NLGN3: variants seen among roughly 807,000 people sequenced by gnomAD.
NLGN3 encodes the protein neuroligin 3.
NLGN3 carries 11 observed loss-of-function variants against 42.9 expected under a neutral mutation model. The ratio of observed to expected loss-of-function variants is 0.26; its 90% CI spans 0.16 to 0.42. The LOEUF (loss-of-function observed/expected upper bound fraction) is 0.42. NLGN3 is among the 10% of genes least tolerant of loss of function. NLGN3 has a pLI of 1.00. For missense variants in NLGN3, 374 were observed against 733.8 expected, an observed-to-expected ratio of 0.51 and a Z score of 5.67; for synonymous variants, 279 against 312.7, an observed-to-expected ratio of 0.89 and a Z score of 1.14.
intron 2 of NLGN3, 70 bp from the exon 3 acceptor site, chrX:71,148,775 TG>T: frequency 4.3e-6 from 4 of 928,236 alleles, no homozygotes; most frequent in Admixed American, 7.7e-5. Flanking sequence ...TCTTGGGGCC[TG>T]GGGGGTGGGG....
intron 5 of NLGN3, among the ~76,000 whole-genome samples, chrX:71,163,016 G>A (rs2092435364): frequency 9.0e-6 from 1 of 111,698 alleles, no homozygotes; most frequent in Admixed American, 9.5e-5. Context: ...AAGGATTCAG[G>A]GAAGAGAGAT....
At chrX:71,163,583 T>A (rs761412706) in intron 5 of NLGN3, among the ~76,000 whole-genome samples, 16 of 112,209 alleles carry the variant, frequency 1.4e-4, no homozygotes, top group African/African-American at 3.9e-4. Context: ...GAAGTAACTA[T>A]AGAGCTGCAA....
intron 5 of NLGN3, among the ~76,000 whole-genome samples, chrX:71,157,287 CTTAT>C (rs397688201): frequency 0.029 from 2,860 of 99,862 alleles, 96 homozygotes; most frequent in African/African-American, 0.091. Flanking sequence ...TTTTAATTTG[CTTAT>C]TTATTTATTT....
intron 6 of NLGN3, among the ~76,000 whole-genome samples, 160 bp downstream of exon 6, chrX:71,164,488 G>C (rs1408649986): frequency 3.5e-5 from 4 of 113,058 alleles, no homozygotes; most frequent in African/African-American, 1.3e-4. Flanking sequence ...TCTGGGAGAA[G>C]TACTTCTCCC....
rs969065031 is a variant in NLGN3 at position 71,170,298 on chromosome X, C to T, written c.*201C>T. 41 of 1,105,883 alleles carry T rather than the reference C, an allele frequency of 3.7e-5. No homozygotes were observed. The highest frequency in any genetic ancestry group is 1.1e-4 in the Admixed American group (4 of 35,122). 91.1% of individuals were successfully genotyped at this position (1,105,883 alleles called of 1,213,427 possible). A position where few individuals can be genotyped will look rare whatever the true frequency, so the allele number is the denominator to read the frequency against. On this transcript the variant is annotated 3_prime_UTR_variant, in exon 8 of 8. Transcript: ENST00000358741. ...ACCCGCATGTACAAAAACACAAATA[C>T]GGAAGTAAACCTGAACAAACCCTTT...
At chrX:71,149,107 A>G (rs1167828165) in intron 3 of NLGN3, among the ~76,000 whole-genome samples, 1 of 110,922 alleles carries the variant, frequency 9.0e-6, no homozygotes, top group Non-Finnish European at 1.9e-5. Flanking sequence ...GAGCAGAAGC[A>G]GCAACCCTAT....
At chrX:71,159,201 G>A (rs1404870405) in intron 5 of NLGN3, among the ~76,000 whole-genome samples, 2 of 110,382 alleles carry the variant, frequency 1.8e-5, no homozygotes, top group South Asian at 3.9e-4. Flanking sequence ...TGCGCCCGTA[G>A]TCCCAGCTAC....
chrX:71,158,064 T>C lies in NLGN3; in HGVS notation c.727+2701T>C, dbSNP rs1011005786. ...ACTAGGGCTGCACACTTTCTTTTTT[T>C]AATTAATTAATTAATTAATTAATTA... On this transcript the variant is annotated intron_variant, in intron 5 of 7. Transcript: ENST00000358741. Among the ~76,000 whole-genome samples, 4 of 102,859 alleles carry C rather than the reference T, an allele frequency of 3.9e-5. 1 individual carries two copies. The highest frequency in any genetic ancestry group is 8.2e-5 in the Non-Finnish European group (4 of 48,720). 89.3% of individuals were successfully genotyped at this position (102,859 alleles called of 115,157 possible).
At chrX:71,171,690 C>T, downstream of NLGN3, 1 of 745,179 alleles carries the variant, frequency 1.3e-6, no homozygotes, top group Non-Finnish European at 1.6e-6. Context: ...CCTTGAGTGA[C>T]TGACAGAGCA....
chrX:71,170,815 C>G lies in NLGN3; in HGVS notation c.*718C>G. The G allele has an allele frequency of 2.6e-6, 2 of 756,479 alleles. No individual in the cohort carries two copies. The highest frequency in any genetic ancestry group is 3.1e-6 in the Non-Finnish European group (2 of 640,567). The allele number at this position is 756,479 out of a possible 1,213,427, so 62.3% of individuals were successfully genotyped here. The stretch of plus-strand genomic sequence containing the variant: ...GTAGGGGAGAGATCTCCAACTCTCT[C>G]TGTGTCCGTGTGGAGGGCTGCAGAG... On this transcript the variant is annotated 3_prime_UTR_variant, in exon 8 of 8. Coordinates refer to ENST00000358741, the MANE Select transcript of NLGN3 (RefSeq NM_181303.2).
intron 5 of NLGN3, among the ~76,000 whole-genome samples, chrX:71,162,407 G>A (rs1192028521): frequency 8.9e-6 from 1 of 111,874 alleles, no homozygotes; most frequent in African/African-American, 3.3e-5. Flanking sequence ...TGGGATTACA[G>A]GTGTGAGCCA....
chrX:71,170,166 C>G lies in NLGN3; in HGVS notation c.*69C>G. On this transcript the variant is annotated 3_prime_UTR_variant, in exon 8 of 8. Coordinates refer to ENST00000358741, the MANE Select transcript of NLGN3 (RefSeq NM_181303.2). The stretch of plus-strand genomic sequence containing the variant: ...AGATCCAGGAACACATGCACACACA[C>G]ACACACACACACGCAGACACACACA... 1 of 1,193,165 alleles carries G rather than the reference C, an allele frequency of 8.4e-7. No homozygotes were observed. Among genetic ancestry groups the G allele is most frequent in the Non-Finnish European group, 1.1e-6 (1 of 890,243 alleles).
At position 71,167,255 on chromosome X, in the gene NLGN3, C is replaced by T; in HGVS notation, c.1158C>T (p.Asp386=). 1 of 1,211,670 alleles carries T rather than the reference C, an allele frequency of 8.3e-7. No individual in the cohort carries two copies. The highest frequency in any genetic ancestry group is 1.1e-6 in the Non-Finnish European group (1 of 895,407). The change falls in exon 7 of 8, where the codon GAC becomes GAT. Residue 386 remains aspartate, a synonymous_variant. Transcript: ENST00000358741. The part of the protein sequence containing the change: ...PVIDGDVIPD[D]PEILMEQGEF... ...TTGATGGTGATGTCATTCCTGATGA[C>T]CCTGAGATCCTCATGGAGCAGGGCG...
At chrX:71,148,798 C>G (rs904338684) in intron 2 of NLGN3, 48 bp from the exon 3 acceptor site, 56 of 1,119,292 alleles carry the variant, frequency 5.0e-5, no homozygotes, top group Non-Finnish European at 6.4e-5. Context: ...GTGCATGCCC[C>G]TGGGCAGAGG....
intron 3 of NLGN3, among the ~76,000 whole-genome samples, chrX:71,151,471 C>T: frequency 8.9e-6 from 1 of 111,963 alleles, no homozygotes. Flanking sequence ...CAAATCCCGC[C>T]TCTTGAGGGA....
Position 71,171,086 on chromosome X carries a change from T to C in NLGN3, c.*989T>C, listed in dbSNP as rs1394091090. On this transcript the variant is annotated 3_prime_UTR_variant, in exon 8 of 8. Coordinates refer to ENST00000358741, the MANE Select transcript of NLGN3 (RefSeq NM_181303.2). ...TTTTTTGTTGTTGTTGGTTTTTTTTTTTTTTTAAAGAAAAGTTCTTAAAAC... is the reference window on the plus strand; with the variant it reads ...TTTTTTGTTGTTGTTGGTTTTTTTTCTTTTTTAAAGAAAAGTTCTTAAAAC... 1 of 751,493 alleles carries C rather than the reference T, an allele frequency of 1.3e-6. No homozygotes were observed. The highest frequency in any genetic ancestry group is 8.8e-5 in the Admixed American group (1 of 11,303). The allele number at this position is 751,493 out of a possible 1,213,427, so 61.9% of individuals were successfully genotyped here.
Position 71,158,154 on chromosome X carries a change from C to T in NLGN3, c.727+2791C>T, listed in dbSNP as rs182016028. Among the ~76,000 whole-genome samples, 8 of 110,082 alleles carry T rather than the reference C, an allele frequency of 7.3e-5. No individual in the cohort carries two copies. The East Asian group carries it at 2.3e-3, about 31-fold the overall frequency. Reference sequence around the variant, plus strand: ...GTGCAGTGGTGCAATCATGGCTCATCGCAGCCTCGACCTCCCAGGCTCAAG... The same window carrying T: ...GTGCAGTGGTGCAATCATGGCTCATTGCAGCCTCGACCTCCCAGGCTCAAG... On this transcript the variant is annotated intron_variant, in intron 5 of 7. Coordinates refer to ENST00000358741, the MANE Select transcript of NLGN3 (RefSeq NM_181303.2).
chrX:71,167,937 T>C (rs1410324476), intron 7 of NLGN3, 137 bp downstream of exon 7: 1 of 559,640 alleles, frequency 1.8e-6, no homozygotes, highest in Non-Finnish European at 3.0e-6. Flanking sequence ...TCACTCATCT[T>C]CCTATCTCCC....
At chrX:71,164,448 C>T (rs1378735167) in intron 6 of NLGN3, 120 bp downstream of exon 6, 1 of 703,883 alleles carries the variant, frequency 1.4e-6, no homozygotes, top group Non-Finnish European at 2.1e-6. Flanking sequence ...CTTGGTATCC[C>T]TTTGGCAAGA....
Sources: allele counts gnomAD v4.1 joint callset (sites outside exome capture counted in the v4.1 genomes callset), GRCh38; gene constraint gnomAD v4.1.1; transcripts MANE v1.5; gene names NCBI Gene and HGNC (gene_info 2026-07-23, HGNC 2026-07-21).